ABTB3: variants seen among roughly 807,000 people sequenced by gnomAD.
ABTB3 encodes ankyrin repeat and BTB domain containing 3.
At chr12:107,490,523 T>A in the ABTB3 span, among the ~76,000 whole-genome samples, 1 of 152,054 alleles carries the variant, frequency 6.6e-6, no homozygotes, top group Non-Finnish European at 1.5e-5. Flanking sequence ...GGGATGTGGA[T>A]ATTTACCAGG....
At chr12:107,477,958 T>C in the ABTB3 span, among the ~76,000 whole-genome samples, 3 of 152,194 alleles carry the variant, frequency 2.0e-5, no homozygotes, top group African/African-American at 7.2e-5. Flanking sequence ...GCAAACTATG[T>C]CTGATACTGA....
the ABTB3 span, among the ~76,000 whole-genome samples, chr12:107,642,595 A>G: frequency 6.6e-6 from 1 of 152,218 alleles, no homozygotes. Flanking sequence ...AAGACTGAGA[A>G]GTTGGTGAGC....
chr12:107,384,001 C>T, the ABTB3 span, among the ~76,000 whole-genome samples: 4 of 152,114 alleles, frequency 2.6e-5, no homozygotes, highest in African/African-American at 7.2e-5. Flanking sequence ...CCTATCCATC[C>T]ACCCAGTAAT....
chr12:107,601,694 A>T, the ABTB3 span, among the ~76,000 whole-genome samples: 2,352 of 152,308 alleles, frequency 0.015, 16 homozygotes, highest in Non-Finnish European at 0.024. Flanking sequence ...GAGCAAGTTG[A>T]TTAACCCCTC....
chr12:107,367,139 G>A, the ABTB3 span, among the ~76,000 whole-genome samples: 2 of 152,170 alleles, frequency 1.3e-5, no homozygotes, highest in African/African-American at 4.8e-5. Context: ...TCCTTTATTG[G>A]AAGGTGCCTT....
the ABTB3 span, among the ~76,000 whole-genome samples, chr12:107,347,319 T>G: frequency 6.6e-6 from 1 of 152,142 alleles, no homozygotes; most frequent in Non-Finnish European, 1.5e-5. Context: ...TAAAGTTAAA[T>G]ATGAAGGCAG....
chr12:107,558,128 G>C, the ABTB3 span, among the ~76,000 whole-genome samples: 2 of 152,192 alleles, frequency 1.3e-5, no homozygotes, highest in Non-Finnish European at 2.9e-5. Flanking sequence ...TAGGTGAGAG[G>C]AGCAGCTGTC....
the ABTB3 span, among the ~76,000 whole-genome samples, chr12:107,616,162 T>C: frequency 6.6e-6 from 1 of 152,184 alleles, no homozygotes; most frequent in African/African-American, 2.4e-5. Context: ...AAGGGGTCGG[T>C]TGGTGGTCTG....
chr12:107,560,273 A>G, the ABTB3 span, among the ~76,000 whole-genome samples: 1 of 152,194 alleles, frequency 6.6e-6, no homozygotes. Flanking sequence ...TAAAACATCA[A>G]TGGAGAGGAA....
the ABTB3 span, among the ~76,000 whole-genome samples, chr12:107,365,967 G>A: frequency 6.6e-6 from 1 of 152,222 alleles, no homozygotes; most frequent in Non-Finnish European, 1.5e-5. Flanking sequence ...GCACCCCTGG[G>A]AGCTGATGAA....
chr12:107,534,856 A>G, the ABTB3 span, among the ~76,000 whole-genome samples: 7 of 152,220 alleles, frequency 4.6e-5, no homozygotes, highest in African/African-American at 7.2e-5. Flanking sequence ...GAATTCTACC[A>G]AACTTTTAAA....
chr12:107,513,570 C>T, the ABTB3 span, among the ~76,000 whole-genome samples: 70 of 152,274 alleles, frequency 4.6e-4, 1 homozygote, highest in African/African-American at 1.6e-3. Context: ...CCCAGCAATG[C>T]GGAACTGTGA....
the ABTB3 span, among the ~76,000 whole-genome samples, chr12:107,540,148 T>A: frequency 6.6e-6 from 1 of 152,152 alleles, no homozygotes; most frequent in Non-Finnish European, 1.5e-5. Flanking sequence ...AAATGTATTT[T>A]CTTATAGTTC....
chr12:107,490,285 A>T, the ABTB3 span, among the ~76,000 whole-genome samples: 18 of 152,182 alleles, frequency 1.2e-4, no homozygotes, highest in Non-Finnish European at 2.9e-5. Context: ...AGCAGGGCAC[A>T]TATCATGGGC....
At chr12:107,580,622 C>A in the ABTB3 span, 1 of 291,938 alleles carries the variant, frequency 3.4e-6, no homozygotes, top group Non-Finnish European at 6.4e-6. Context: ...CTTTTGGCAG[C>A]ATGTTGCCTG....
At chr12:107,539,246 T>C in the ABTB3 span, among the ~76,000 whole-genome samples, 1 of 152,062 alleles carries the variant, frequency 6.6e-6, no homozygotes, top group African/African-American at 2.4e-5. Flanking sequence ...CACTGGAAAA[T>C]TAAAAACATT....
chr12:107,590,666 G>C, the ABTB3 span, among the ~76,000 whole-genome samples: 1 of 152,208 alleles, frequency 6.6e-6, no homozygotes, highest in East Asian at 1.9e-4. Context: ...AGCTTCCAAA[G>C]TGTTAAAAGC....
At chr12:107,603,011 A>T in the ABTB3 span, among the ~76,000 whole-genome samples, 84 of 152,316 alleles carry the variant, frequency 5.5e-4, 2 homozygotes, top group African/African-American at 1.9e-3. Flanking sequence ...TTACTGCATC[A>T]TTGAAAGCCA....
the ABTB3 span, among the ~76,000 whole-genome samples, chr12:107,481,929 T>TCTCTCTCTG: frequency 1.9e-5 from 1 of 51,770 alleles, no homozygotes; most frequent in Admixed American, 2.0e-4. Context: ...CTCTCTCTCT[T>TCTCTCTCTG]TCTTTCTCCC....
Sources: allele counts gnomAD v4.1 joint callset (sites outside exome capture counted in the v4.1 genomes callset), GRCh38; gene constraint gnomAD v4.1.1; transcripts MANE v1.5; gene names NCBI Gene and HGNC (gene_info 2026-07-23, HGNC 2026-07-21).